Variants in GMPR observed in about 807,000 individuals in gnomAD.
GMPR encodes the protein guanosine monophosphate reductase, also known as GMP reductase 1.
In GMPR, 31 loss-of-function variants were observed where a neutral mutation model predicts 38.4. The ratio of observed to expected loss-of-function variants is 0.81; its 90% CI spans 0.61 to 1.09. The LOEUF (loss-of-function observed/expected upper bound fraction) is 1.09. Ranked by LOEUF, GMPR falls within the 50% of genes least tolerant of loss-of-function variation. The pLI is 0.00. For synonymous variants in GMPR, 162 were observed against 173.3 expected, an observed-to-expected ratio of 0.93 and a Z score of 0.51; for missense variants, 468 against 453.7, an observed-to-expected ratio of 1.03 and a Z score of -0.29.
At position 16,288,975 on chromosome 6, in the gene GMPR, A is replaced by G. The variant is rs1192411828; in HGVS notation, c.698-1487A>G. 2.6e-5 allele frequency among the ~76,000 whole-genome samples: 4 copies of G among 152,188 alleles called. 1 individual carries two copies. The highest frequency in any genetic ancestry group is 2.6e-4 in the Admixed American group (4 of 15,286). On this transcript the variant is annotated intron_variant, in intron 7 of 8. Transcript: ENST00000259727. Reference sequence around the variant, plus strand: ...ACAAAACAGACCACTCACTCTACCAATCAGCAGGATATGGGTGGGGCCAGA... The same window carrying G: ...ACAAAACAGACCACTCACTCTACCAGTCAGCAGGATATGGGTGGGGCCAGA...
At chr6:16,274,985 C>T (rs1428937465) in intron 5 of GMPR, among the ~76,000 whole-genome samples, 5 of 152,096 alleles carry the variant, frequency 3.3e-5, no homozygotes, top group South Asian at 2.1e-4. Flanking sequence ...TCACCTGATA[C>T]GTATTAGATG....
At chr6:16,289,384 G>A (rs9477078) in intron 7 of GMPR, 7,068 of 152,304 alleles carry the variant, frequency 0.046, 512 homozygotes, top group African/African-American at 0.16. Flanking sequence ...AACAAAATGG[G>A]GAATGATAAC....
chr6:16,261,885 G>C (rs916148011), intron 4 of GMPR, among the ~76,000 whole-genome samples: 2 of 151,884 alleles, frequency 1.3e-5, no homozygotes, highest in African/African-American at 2.4e-5. Flanking sequence ...CTTTGGATTG[G>C]GAAGAAGGGC....
chr6:16,267,037 A>G (rs1581657215), intron 4 of GMPR, among the ~76,000 whole-genome samples: 1 of 151,230 alleles, frequency 6.6e-6, no homozygotes, highest in Admixed American at 6.6e-5. Flanking sequence ...ACTCCCTGCG[A>G]AAAAGGTGGC....
intron 7 of GMPR, chr6:16,289,675 C>CTG (rs1021718356): frequency 1.3e-4 from 12 of 94,020 alleles, no homozygotes; most frequent in African/African-American, 7.6e-4. Flanking sequence ...TTCCTTGAAG[C>CTG]TGTCTAGTGT....
intron 7 of GMPR, among the ~76,000 whole-genome samples, chr6:16,288,012 C>A (rs1342277038): frequency 6.6e-6 from 1 of 152,240 alleles, no homozygotes; most frequent in Non-Finnish European, 1.5e-5. Flanking sequence ...CTTAATACAT[C>A]TGCGCCCTGC....
At chr6:16,256,869 A>C (rs1758990667) in intron 4 of GMPR, among the ~76,000 whole-genome samples, 1 of 152,196 alleles carries the variant, frequency 6.6e-6, no homozygotes, top group Non-Finnish European at 1.5e-5. Context: ...CACCTGGCAC[A>C]GAGCTTCTGA....
chr6:16,240,499 A>G (rs1229080031), intron 1 of GMPR, among the ~76,000 whole-genome samples: 2 of 152,204 alleles, frequency 1.3e-5, no homozygotes, highest in African/African-American at 4.8e-5. Context: ...AAATTAGGGC[A>G]GTGGTGCTCA....
chr6:16,248,776 A>G (rs1252717042), intron 2 of GMPR, among the ~76,000 whole-genome samples: 2 of 152,182 alleles, frequency 1.3e-5, no homozygotes, highest in African/African-American at 4.8e-5. Context: ...CTACTAATGA[A>G]TTATGTGTTA....
intron 1 of GMPR, 103 bp from the exon 2 acceptor site, chr6:16,246,739 G>A (rs1440415252): frequency 1.7e-5 from 19 of 1,123,388 alleles, no homozygotes; most frequent in Admixed American, 2.0e-5. Context: ...AGGGACCTTT[G>A]TCTTGTTCCT....
Position 16,246,901 on chromosome 6 carries a change from C to G in GMPR, c.147C>G (p.Pro49=). Residue 49 remains proline, a synonymous_variant, in exon 2 of 9, where the codon CCC becomes CCG. Coordinates refer to ENST00000259727, the MANE Select transcript of GMPR (RefSeq NM_006877.4). ...RNSKQTYSGI[P]IIVANMDTVG... ...CAAAGCAGACCTACTCAGGGATTCC[C>G]ATCATCGTGGCCAACATGGACACTG... The G allele has an allele frequency of 2.5e-6, 4 of 1,613,570 alleles. No homozygotes were observed. The highest frequency in any genetic ancestry group is 3.4e-6 in the Non-Finnish European group (4 of 1,179,512).
intron 3 of GMPR, among the ~76,000 whole-genome samples, chr6:16,251,342 G>C (rs979765140): frequency 6.6e-6 from 1 of 152,174 alleles, no homozygotes; most frequent in African/African-American, 2.4e-5. Context: ...AGGCCGAGTC[G>C]GGTGGATCAC....
chr6:16,264,775 G>T (rs1412646391), intron 4 of GMPR, among the ~76,000 whole-genome samples: 1 of 152,160 alleles, frequency 6.6e-6, no homozygotes, highest in Admixed American at 6.5e-5. Context: ...GCAGGAACAG[G>T]CCATTTTCAC....
chr6:16,278,587 G>C (rs1426217834), intron 5 of GMPR, among the ~76,000 whole-genome samples, 197 bp from the exon 6 acceptor site: 2 of 152,154 alleles, frequency 1.3e-5, no homozygotes, highest in Admixed American at 6.5e-5. Context: ...AGGACCGGAG[G>C]GGGTGCATGA....
Position 16,246,881 on chromosome 6 carries a change from C to T in GMPR, c.127C>T (p.Gln43Ter). Residue 43 changes from glutamine (Q) to a stop codon, truncating the protein, a stop_gained, in exon 2 of 9, where the codon CAG becomes TAG. Transcript: ENST00000259727. LOFTEE classifies it high-confidence loss of function. ...CACCTTCACGTTTCGAAATTCAAAG[C>T]AGACCTACTCAGGGATTCCCATCAT... ...ERTFTFRNSK[Q>*]TYSGIPIIVA... 1 of 1,613,360 alleles carries T rather than the reference C, an allele frequency of 6.2e-7. No homozygotes were observed. The highest frequency in any genetic ancestry group is 2.2e-5 in the East Asian group (1 of 44,870).
chr6:16,267,240 C>T (rs954753060), intron 4 of GMPR, among the ~76,000 whole-genome samples: 20 of 151,960 alleles, frequency 1.3e-4, no homozygotes, highest in African/African-American at 3.1e-4. Flanking sequence ...GGTGCAGTGG[C>T]GGGCGCCTGT....
chr6:16,238,748 C>G lies in GMPR; in HGVS notation c.55C>G (p.Pro19Ala). The G allele has an allele frequency of 6.8e-7, 1 of 1,474,466 alleles. No homozygotes were observed. Among genetic ancestry groups the G allele is most frequent in the African/African-American group, 1.4e-5 (1 of 70,122 alleles). 91.3% of individuals were successfully genotyped at this position (1,474,466 alleles called of 1,614,324 possible). Reference protein sequence around the residue: ...KLDFKDVLLRPKRSSLKSRAE... With the variant: ...KLDFKDVLLRAKRSSLKSRAE... Reference sequence around the variant, plus strand: ...CGACTTCAAGGATGTCCTGCTCCGACCTAAGCGGAGCAGCCTCAAGAGCCG... The same window carrying G: ...CGACTTCAAGGATGTCCTGCTCCGAGCTAAGCGGAGCAGCCTCAAGAGCCG... Residue 19 changes from proline (P) to alanine (A), a missense_variant, in exon 1 of 9, where the codon CCT becomes GCT. Coordinates refer to ENST00000259727, the MANE Select transcript of GMPR (RefSeq NM_006877.4).
At chr6:16,267,030 C>G (rs1305919954) in intron 4 of GMPR, among the ~76,000 whole-genome samples, 1 of 151,232 alleles carries the variant, frequency 6.6e-6, no homozygotes, top group African/African-American at 2.4e-5. Context: ...CTGTAACACT[C>G]CCTGCGAAAA....
chr6:16,294,567 A>C (rs1299648665), intron 8 of GMPR, among the ~76,000 whole-genome samples: 1 of 152,174 alleles, frequency 6.6e-6, no homozygotes, highest in East Asian at 1.9e-4. Flanking sequence ...TCCAGGGGGG[A>C]ATCGGCCAGG....
Sources: gnomAD v4.1 joint callset for allele counts (sites outside exome capture counted in the v4.1 genomes callset) on GRCh38, gnomAD v4.1.1 for gene constraint, MANE v1.5 for transcripts, NCBI Gene and HGNC (gene_info 2026-07-23, HGNC 2026-07-21) for gene names.